The following FMNL2 variants were observed in gnomAD, a reference collection of about 807,000 sequenced individuals.
FMNL2 encodes the protein formin-like protein 2.
In FMNL2, 51 loss-of-function variants were observed where a neutral mutation model predicts 130.2. The ratio of observed to expected loss-of-function variants is 0.39; its 90% CI spans 0.31 to 0.49. FMNL2 has a LOEUF of 0.49. FMNL2 is among the 20% of genes least tolerant of loss of function. The pLI, the probability that FMNL2 is intolerant of heterozygous loss-of-function variation, is 0.85. For missense variants in FMNL2, 977 were observed against 1,316.2 expected (o/e 0.74, Z 3.99); for synonymous variants, 465 against 467.1 (o/e 1.00, Z 0.06).
intron 1 of FMNL2, among the ~76,000 whole-genome samples, chr2:152,509,236 G>GTATCTTTCTTATTATTGAAA (rs1692348986): frequency 6.6e-6 from 1 of 152,062 alleles, no homozygotes; most frequent in African/African-American, 2.4e-5. Flanking sequence ...CAAGAAAGAG[G>GTATCTTTCTTATTATTGAAA]TACTTCTTAT....
At chr2:152,642,492 T>C (rs1330326562) in intron 25 of FMNL2, among the ~76,000 whole-genome samples, 1 of 152,220 alleles carries the variant, frequency 6.6e-6, no homozygotes, top group Non-Finnish European at 1.5e-5. Context: ...TCTGCACAAA[T>C]GTGCCTATTG....
chr2:152,642,045 ATTC>A (rs1209131242), intron 25 of FMNL2, among the ~76,000 whole-genome samples: 1 of 151,546 alleles, frequency 6.6e-6, no homozygotes, highest in African/African-American at 2.4e-5. Flanking sequence ...GGTTCACACC[ATTC>A]TTCTGCCTCA....
At chr2:152,383,738 AACCCTAGCC>A (rs1373145442) in intron 1 of FMNL2, among the ~76,000 whole-genome samples, 2 of 152,210 alleles carry the variant, frequency 1.3e-5, no homozygotes, top group Admixed American at 1.3e-4. Flanking sequence ...CCATTGAGGA[AACCCTAGCC>A]ATCCCCAAAC....
intron 1 of FMNL2, among the ~76,000 whole-genome samples, chr2:152,420,971 T>C (rs953299275): frequency 6.6e-6 from 1 of 152,232 alleles, no homozygotes; most frequent in African/African-American, 2.4e-5. Context: ...CGTTGGTTGC[T>C]TGCCTTTCTG....
In FMNL2 at chr2:152,511,326, A is replaced by G. The variant is rs545663217; in HGVS notation, c.118-10617A>G. The stretch of plus-strand genomic sequence containing the variant: ...TCTTCCCATCGCAAGGTTCTTAATC[A>G]TATCTGCAAATCACATTTTAATATG... On this transcript the variant is annotated intron_variant, in intron 1 of 25. Transcript: ENST00000288670. Among the ~76,000 whole-genome samples, 6 of 152,306 alleles carry G rather than the reference A, an allele frequency of 3.9e-5. No homozygotes were observed. In the East Asian group the frequency reaches 7.7e-4, roughly 20 times the overall value.
intron 1 of FMNL2, among the ~76,000 whole-genome samples, chr2:152,437,980 T>C (rs1278070048): frequency 6.6e-6 from 1 of 152,172 alleles, no homozygotes; most frequent in African/African-American, 2.4e-5. Flanking sequence ...AAATGAGAGA[T>C]GTTTGTCTTA....
chr2:152,463,803 G>C (rs1689375996), intron 1 of FMNL2, among the ~76,000 whole-genome samples: 1 of 152,194 alleles, frequency 6.6e-6, no homozygotes, highest in Non-Finnish European at 1.5e-5. Context: ...AATTTGAAAT[G>C]AGTTAGTTTA....
chr2:152,416,620 G>T lies in FMNL2; in HGVS notation c.117+80900G>T, dbSNP rs202112954. Among the ~76,000 whole-genome samples, 23 of 152,324 alleles carry T rather than the reference G, an allele frequency of 1.5e-4. No homozygotes were observed. The East Asian group carries it at 4.4e-3, about 29-fold the overall frequency. ...CTGCAGCTTTTACAAATGCATCACA[G>T]TTGAAAGTGCCTGAATCTAGAGTTG... On this transcript the variant is annotated intron_variant, in intron 1 of 25. Transcript: ENST00000288670.
chr2:152,611,349 CAT>C, intron 10 of FMNL2, 144 bp from the exon 11 acceptor site: 1 of 521,454 alleles, frequency 1.9e-6, no homozygotes, highest in Non-Finnish European at 3.4e-6. Flanking sequence ...CAAAAAAAAC[CAT>C]ATATATATTT....
At chr2:152,336,382 C>T (rs1439152198) in intron 1 of FMNL2, among the ~76,000 whole-genome samples, 1 of 152,186 alleles carries the variant, frequency 6.6e-6, no homozygotes, top group South Asian at 2.1e-4. Context: ...CAGCGCGTTC[C>T]CTCTAGACTT....
chr2:152,564,776 GTTTTTT>G (rs56378937), intron 6 of FMNL2, among the ~76,000 whole-genome samples: 10 of 79,342 alleles, frequency 1.3e-4, no homozygotes, highest in African/African-American at 1.9e-4. Flanking sequence ...TACAAGGTTG[GTTTTTT>G]TTTTTTTTTT....
intron 7 of FMNL2, among the ~76,000 whole-genome samples, chr2:152,578,186 C>G (rs1356055630): frequency 6.6e-6 from 1 of 152,070 alleles, no homozygotes; most frequent in Non-Finnish European, 1.5e-5. Flanking sequence ...ATAGGAACTT[C>G]TGGATGTTTT....
chr2:152,575,263 T>C lies in FMNL2; in HGVS notation c.705+19T>C. 1 of 1,517,614 alleles carries C rather than the reference T, an allele frequency of 6.6e-7. No individual in the cohort carries two copies. The highest frequency in any genetic ancestry group is 9.0e-7 in the Non-Finnish European group (1 of 1,110,252). The allele number at this position is 1,517,614 out of a possible 1,614,324, so 94.0% of individuals were successfully genotyped here. A position where few individuals can be genotyped will look rare whatever the true frequency, so the allele number is the denominator to read the frequency against. ...TTATCAGGTATGTTGGAGCTTCTGG[T>C]TCTTTTAAAAAAAACCTGAATTAAT... On this transcript the variant is annotated intron_variant, in intron 7 of 25. Transcript: ENST00000288670.
At chr2:152,555,727 A>G (rs1441314911) in intron 4 of FMNL2, among the ~76,000 whole-genome samples, 1 of 152,232 alleles carries the variant, frequency 6.6e-6, no homozygotes, top group Admixed American at 6.5e-5. Flanking sequence ...TATGGTAATT[A>G]CATTGAATCC....
intron 1 of FMNL2, among the ~76,000 whole-genome samples, chr2:152,414,564 C>A (rs913669393): frequency 6.6e-6 from 1 of 152,320 alleles, no homozygotes; most frequent in Middle Eastern, 3.4e-3. Flanking sequence ...CAAGGACTAT[C>A]CTGTCTCTTT....
intron 1 of FMNL2, among the ~76,000 whole-genome samples, chr2:152,355,891 C>T (rs1165856323): frequency 1.3e-5 from 2 of 152,128 alleles, no homozygotes; most frequent in African/African-American, 2.4e-5. Flanking sequence ...AGAATACATA[C>T]CCAAATAAAT....
intron 1 of FMNL2, among the ~76,000 whole-genome samples, chr2:152,508,641 G>T (rs1692315015): frequency 6.6e-6 from 1 of 152,134 alleles, no homozygotes; most frequent in Non-Finnish European, 1.5e-5. Context: ...TGGTATTTTG[G>T]CATTCTTCCA....
intron 1 of FMNL2, among the ~76,000 whole-genome samples, chr2:152,412,477 TA>T (rs1558840999): frequency 7.2e-5 from 6 of 83,548 alleles, no homozygotes; most frequent in East Asian, 3.1e-4. Flanking sequence ...TATATATATA[TA>T]TATATATATA....
chr2:152,620,482 C>G (rs1463294692), intron 15 of FMNL2, among the ~76,000 whole-genome samples: 1 of 152,146 alleles, frequency 6.6e-6, no homozygotes, highest in Non-Finnish European at 1.5e-5. Flanking sequence ...TTTTCTCAGT[C>G]CTGAAGTGTT....
Sources: gnomAD v4.1 joint callset for allele counts (sites outside exome capture counted in the v4.1 genomes callset) on GRCh38, gnomAD v4.1.1 for gene constraint, MANE v1.5 for transcripts, NCBI Gene and HGNC (gene_info 2026-07-23, HGNC 2026-07-21) for gene names.